The following GALNTL6 variants were observed in gnomAD, a reference collection of about 807,000 sequenced individuals.
The protein encoded by GALNTL6 is polypeptide N-acetylgalactosaminyltransferase-like 6.
Under a neutral mutation model 73.7 loss-of-function variants are expected in GALNTL6, and 46 were observed. The observed-to-expected ratio is 0.62, with a 90% CI of 0.49 to 0.80. GALNTL6 has a LOEUF of 0.80. GALNTL6 is among the 30% of genes least tolerant of loss of function. The pLI is 0.00. For missense variants in GALNTL6, 604 were observed against 755.0 expected (o/e 0.80, Z 2.34); for synonymous variants, 259 against 263.7 (o/e 0.98, Z 0.17).
chr4:172,565,086 C>A (rs755999370), intron 5 of GALNTL6, among the ~76,000 whole-genome samples: 1 of 152,180 alleles, frequency 6.6e-6, no homozygotes, highest in Non-Finnish European at 1.5e-5. Context: ...GCTGTGCTCT[C>A]ACATGGAAGA....
At chr4:171,943,116 T>A (rs1738599409) in intron 2 of GALNTL6, among the ~76,000 whole-genome samples, 1 of 152,222 alleles carries the variant, frequency 6.6e-6, no homozygotes, top group Admixed American at 6.5e-5. Flanking sequence ...ATTCAGGAGT[T>A]CCCTCCCATC....
At chr4:172,297,470 AG>A (rs1388566739) in intron 3 of GALNTL6, among the ~76,000 whole-genome samples, 2 of 152,118 alleles carry the variant, frequency 1.3e-5, no homozygotes, top group African/African-American at 2.4e-5. Context: ...GTTTTCTTCT[AG>A]GGTTTTTATG....
intron 5 of GALNTL6, among the ~76,000 whole-genome samples, chr4:172,665,169 C>T (rs1012067527): frequency 1.3e-5 from 2 of 152,120 alleles, no homozygotes; most frequent in African/African-American, 4.8e-5. Flanking sequence ...TAAGCCAAAG[C>T]CACACATTTT....
intron 5 of GALNTL6, among the ~76,000 whole-genome samples, chr4:172,356,845 GTTA>G (rs1221036898): frequency 6.6e-6 from 1 of 152,136 alleles, no homozygotes; most frequent in African/African-American, 2.4e-5. Context: ...AGTTTTCACA[GTTA>G]GGTATCCAAG....
intron 2 of GALNTL6, among the ~76,000 whole-genome samples, chr4:171,966,162 C>T (rs1387561663): frequency 6.6e-6 from 1 of 152,134 alleles, no homozygotes; most frequent in African/African-American, 2.4e-5. Context: ...TACTGTTAGT[C>T]ATAGGGGAGA....
chr4:171,970,474 G>A (rs1269305079), intron 2 of GALNTL6, among the ~76,000 whole-genome samples: 1 of 152,140 alleles, frequency 6.6e-6, no homozygotes, highest in African/African-American at 2.4e-5. Context: ...GGATGCTATG[G>A]ACATAATGTC....
intron 7 of GALNTL6, among the ~76,000 whole-genome samples, chr4:172,852,711 T>C (rs921929911): frequency 6.6e-6 from 1 of 152,172 alleles, no homozygotes; most frequent in Non-Finnish European, 1.5e-5. Flanking sequence ...CATAGGACTA[T>C]TATAAATTTT....
Position 172,251,200 on chromosome 4 carries a change from G to A in GALNTL6, c.247+21436G>A, listed in dbSNP as rs1737853710. On this transcript the variant is annotated intron_variant, in intron 3 of 12. Coordinates refer to ENST00000506823, the MANE Select transcript of GALNTL6 (RefSeq NM_001034845.3). The stretch of plus-strand genomic sequence containing the variant: ...GAAGAGTTACAGCTTGAGTTTACAG[G>A]TAGTTTGGTGGCAGAATTCCTTTTT... 3.9e-5 allele frequency among the ~76,000 whole-genome samples: 6 copies of A among 152,194 alleles called. No homozygotes were observed. In the South Asian group the frequency reaches 1.2e-3, roughly 32 times the overall value.
intron 2 of GALNTL6, among the ~76,000 whole-genome samples, chr4:172,114,224 A>C (rs530822529): frequency 3.3e-5 from 5 of 152,222 alleles, no homozygotes; most frequent in African/African-American, 1.2e-4. Flanking sequence ...TTATAAATGA[A>C]AGTCAAATTT....
chr4:172,755,237 T>TATAGATAGATGATAGATAG (rs1553984925), intron 5 of GALNTL6, among the ~76,000 whole-genome samples: 10 of 145,550 alleles, frequency 6.9e-5, no homozygotes, highest in African/African-American at 2.6e-4. Flanking sequence ...AAATGACAGA[T>TATAGATAGATGATAGATAG]ATAGATAGAT....
intron 10 of GALNTL6, among the ~76,000 whole-genome samples, chr4:172,969,766 G>A (rs551981542): frequency 5.9e-5 from 9 of 152,274 alleles, no homozygotes; most frequent in Middle Eastern, 3.4e-3. Context: ...AAACGTAATC[G>A]TCAATGCAAC....
intron 5 of GALNTL6, among the ~76,000 whole-genome samples, chr4:172,533,906 T>C (rs1364286509): frequency 6.6e-6 from 1 of 152,216 alleles, no homozygotes; most frequent in Non-Finnish European, 1.5e-5. Context: ...ATTTTGTAGA[T>C]TCAAAATATG....
intron 5 of GALNTL6, among the ~76,000 whole-genome samples, chr4:172,526,161 A>G (rs1329442563): frequency 6.6e-6 from 1 of 152,180 alleles, no homozygotes; most frequent in African/African-American, 2.4e-5. Context: ...ATGAATAGCA[A>G]ATGTCCACTT....
At chr4:172,798,694 C>T (rs932795537) in intron 5 of GALNTL6, among the ~76,000 whole-genome samples, 1 of 152,060 alleles carries the variant, frequency 6.6e-6, no homozygotes, top group Non-Finnish European at 1.5e-5. Context: ...TGAATGTGCA[C>T]GTACATGTAA....
At chr4:172,145,977 G>T (rs983165007) in intron 2 of GALNTL6, among the ~76,000 whole-genome samples, 2 of 152,146 alleles carry the variant, frequency 1.3e-5, no homozygotes, top group African/African-American at 4.8e-5. Context: ...ATGTGGGGAG[G>T]CTAAAGGAAA....
chr4:172,460,065 A>G (rs1385824471), intron 5 of GALNTL6, among the ~76,000 whole-genome samples: 4 of 152,192 alleles, frequency 2.6e-5, no homozygotes, highest in Non-Finnish European at 5.9e-5. Context: ...AAATAATGCC[A>G]CACATCTACA....
intron 5 of GALNTL6, among the ~76,000 whole-genome samples, chr4:172,423,008 T>C (rs1179006538): frequency 1.3e-5 from 2 of 151,756 alleles, no homozygotes; most frequent in Non-Finnish European, 2.9e-5. Flanking sequence ...TAGATATTTC[T>C]ATACCTATAC....
intron 2 of GALNTL6, among the ~76,000 whole-genome samples, chr4:172,056,489 G>A (rs1383053612): frequency 6.6e-6 from 1 of 151,840 alleles, no homozygotes; most frequent in Non-Finnish European, 1.5e-5. Context: ...GAGTACATAC[G>A]ATGAATAAAA....
At chr4:171,904,413 A>G (rs1388537123) in intron 2 of GALNTL6, among the ~76,000 whole-genome samples, 1 of 152,204 alleles carries the variant, frequency 6.6e-6, no homozygotes, top group Non-Finnish European at 1.5e-5. Context: ...GATGAAATGA[A>G]TGAAACAAAG....
Sources: allele counts gnomAD v4.1 joint callset (sites outside exome capture counted in the v4.1 genomes callset), GRCh38; gene constraint gnomAD v4.1.1; transcripts MANE v1.5; gene names NCBI Gene and HGNC (gene_info 2026-07-23, HGNC 2026-07-21).